EPG5: variants seen among roughly 807,000 people sequenced by gnomAD.
The protein encoded by EPG5 is ectopic P granules protein 5 homolog.
A neutral mutation model predicts 302.7 loss-of-function variants in EPG5; 159 were observed. The ratio of observed to expected loss-of-function variants is 0.53; its 90% CI spans 0.46 to 0.60. The LOEUF (loss-of-function observed/expected upper bound fraction) is 0.60. Among genes scored for constraint, EPG5 ranks in the 20% least tolerant of loss-of-function variants. EPG5 has a pLI of 0.00. For missense variants in EPG5, 2,896 were observed against 3,092.4 expected (o/e 0.94, Z 1.51); for synonymous variants, 1,158 against 1,136.8 (o/e 1.02, Z -0.37).
chr18:45,892,663 C>T (rs922294971), intron 27 of EPG5, among the ~76,000 whole-genome samples: 2 of 152,120 alleles, frequency 1.3e-5, no homozygotes, highest in African/African-American at 2.4e-5. Context: ...ATTGTTAGAG[C>T]CTTCTACTGG....
In EPG5 at chr18:45,952,431, C is replaced by T; in HGVS notation, c.1221G>A (p.Leu407=). Residue 407 remains leucine, a synonymous_variant, in exon 3 of 44, where the codon CTG becomes CTA. Coordinates refer to ENST00000282041, the MANE Select transcript of EPG5 (RefSeq NM_020964.3). ...CTTGCTGGTGAATTGCTGAAGATCT[C>T]AGAACAGCTGAACTACTGAGCAATG... ...IYALLSSSAV[L]RSSAIHQQGR... The T allele has an allele frequency of 6.2e-7, 1 of 1,614,118 alleles. No individual in the cohort carries two copies. The highest frequency in any genetic ancestry group is 8.5e-7 in the Non-Finnish European group (1 of 1,180,040).
rs1292285233 is a variant in EPG5, at chr18:45,857,924, C to G, written c.7371G>C (p.Val2457=). The G allele has an allele frequency of 1.2e-6, 2 of 1,612,814 alleles. No homozygotes were observed. The highest frequency in any genetic ancestry group is 1.1e-5 in the South Asian group (1 of 90,998). Residue 2457 remains valine (V), a synonymous_variant, in exon 42 of 44, where the codon GTG becomes GTC. Transcript: ENST00000282041. ...LLLVQSRQNL[V]AEERLSSGIL... Reference sequence around the variant, plus strand: ...TCCCAGAGCTGAGTCTCTCCTCAGCCACGAGGTTCTGCCTGCTCTGAACCA... The same window carrying G: ...TCCCAGAGCTGAGTCTCTCCTCAGCGACGAGGTTCTGCCTGCTCTGAACCA...
At chr18:45,842,440 T>TGAGAGA in the EPG5 span, 221 of 457,136 alleles carry the variant, frequency 4.8e-4, no homozygotes, top group East Asian at 2.7e-3. Context: ...TGTGTGTGTG[T>TGAGAGA]GTGAGAGAGA....
Position 45,954,465 on chromosome 18 carries a change from T to C in EPG5, c.937A>G (p.Thr313Ala), listed in dbSNP as rs1483583190. The C allele has an allele frequency of 6.2e-7, 1 of 1,614,126 alleles. No homozygotes were observed. Among genetic ancestry groups the C allele is most frequent in the Non-Finnish European group, 8.5e-7 (1 of 1,180,038 alleles). ...GCATTTTGGCAATCAGATGTCAGAG[T>C]AAGCAGCTCAGCTTCAGCCAGCAGC... is the stretch of plus-strand genomic sequence containing the variant. ...QLLLAEAELL[T>A]LTSDCQNAKS... The change falls in exon 2 of 44, where the codon ACT becomes GCT. Residue 313 changes from threonine (T) to alanine (A), a missense_variant. Around this residue, in one of 5 missense-constraint regions of EPG5, gnomAD observed 1,390 missense variants for 1,430.0 expected, o/e 0.97. Coordinates refer to ENST00000282041, the MANE Select transcript of EPG5 (RefSeq NM_020964.3).
chr18:45,957,973 CTT>C (rs2051066733), intron 1 of EPG5, among the ~76,000 whole-genome samples: 12 of 152,194 alleles, frequency 7.9e-5, no homozygotes, highest in Admixed American at 7.2e-4. Context: ...AGGCATTTGA[CTT>C]TGTGACCCCT....
intron 27 of EPG5, among the ~76,000 whole-genome samples, chr18:45,891,898 AG>A (rs2049359959): frequency 6.6e-6 from 1 of 152,260 alleles, no homozygotes; most frequent in Non-Finnish European, 1.5e-5. Context: ...AAATGTGATT[AG>A]GAGTATCTGC....
intron 27 of EPG5, among the ~76,000 whole-genome samples, chr18:45,898,849 G>A (rs751051803): frequency 7.2e-5 from 11 of 152,198 alleles, no homozygotes; most frequent in Admixed American, 1.3e-4. Flanking sequence ...AATTGAGACC[G>A]GACGCGGTGG....
intron 14 of EPG5, among the ~76,000 whole-genome samples, chr18:45,924,179 TC>T (rs2050218089): frequency 6.6e-6 from 1 of 152,218 alleles, no homozygotes; most frequent in Admixed American, 6.5e-5. Flanking sequence ...TCCTACACTA[TC>T]TTCCTTTGCA....
At chr18:45,946,611 A>C in intron 7 of EPG5, 52 bp downstream of exon 7, 1 of 1,349,024 alleles carries the variant, frequency 7.4e-7, no homozygotes, top group Non-Finnish European at 1.1e-6. Context: ...TACTTGGTGC[A>C]TAAGAAGAGT....
the EPG5 span, among the ~76,000 whole-genome samples, chr18:45,801,629 G>C: frequency 1.4e-4 from 21 of 152,276 alleles, no homozygotes; most frequent in South Asian, 4.3e-3. Context: ...ATTCCTGTCA[G>C]TTTTATTCAT....
intron 27 of EPG5, among the ~76,000 whole-genome samples, chr18:45,898,272 C>A (rs1227196418): frequency 6.6e-6 from 1 of 152,236 alleles, no homozygotes; most frequent in South Asian, 2.1e-4. Context: ...GGCTGTGCCA[C>A]TTACGGGCTG....
At chr18:45,937,288 A>G (rs912940907) in intron 10 of EPG5, among the ~76,000 whole-genome samples, 1 of 150,596 alleles carries the variant, frequency 6.6e-6, no homozygotes, top group African/African-American at 2.4e-5. Flanking sequence ...ATATGTATAC[A>G]CACACATACA....
At chr18:45,825,782 T>C in the EPG5 span, 2 of 1,614,182 alleles carry the variant, frequency 1.2e-6, no homozygotes, top group African/African-American at 1.3e-5. Flanking sequence ...TCCCGACAGG[T>C]GAGTGTCTGC....
At chr18:45,827,879 G>C in the EPG5 span, among the ~76,000 whole-genome samples, 1 of 152,186 alleles carries the variant, frequency 6.6e-6, no homozygotes, top group Non-Finnish European at 1.5e-5. Flanking sequence ...ATGGGCTGTG[G>C]AGTCACATGT....
chr18:45,812,983 A>G, the EPG5 span, among the ~76,000 whole-genome samples: 2 of 152,222 alleles, frequency 1.3e-5, no homozygotes, highest in African/African-American at 4.8e-5. Context: ...TGAACAGGCA[A>G]CCCACAGAAT....
At chr18:45,866,610 G>A (rs2048753431) in intron 38 of EPG5, among the ~76,000 whole-genome samples, 188 bp downstream of exon 38, 1 of 152,172 alleles carries the variant, frequency 6.6e-6, no homozygotes, top group Admixed American at 6.5e-5. Flanking sequence ...TTGCTAGTAA[G>A]TAAAAGTTCA....
chr18:45,825,819 A>G, the EPG5 span: 1 of 1,612,462 alleles, frequency 6.2e-7, no homozygotes, highest in African/African-American at 1.3e-5. Flanking sequence ...TGCTCGGGAC[A>G]GAATAGATGC....
downstream of EPG5, among the ~76,000 whole-genome samples, chr18:45,846,890 G>A (rs1568084909): frequency 6.6e-6 from 1 of 152,224 alleles, no homozygotes; most frequent in Non-Finnish European, 1.5e-5. Context: ...GTCTTCAGAA[G>A]AGAAGCATTT....
Position 45,949,399 on chromosome 18 carries a change from T to C in EPG5, c.1497+85A>G, listed in dbSNP as rs192686196. The C allele has an allele frequency of 5.8e-3, 4,070 of 696,734 alleles. 19 individuals carry two copies. The highest frequency in any genetic ancestry group is 0.022 in the Middle Eastern group (79 of 3,584). 43.2% of individuals were successfully genotyped at this position (696,734 alleles called of 1,614,324 possible). On this transcript the variant is annotated intron_variant, in intron 5 of 43. Coordinates refer to ENST00000282041, the MANE Select transcript of EPG5 (RefSeq NM_020964.3). ...AATATTACTCTTTTTTAAATAGTCC[T>C]TTTTTTTTCAGCAATTTCTTCAGGA...
Sources: allele counts gnomAD v4.1 joint callset (sites outside exome capture counted in the v4.1 genomes callset), GRCh38; gene constraint gnomAD v4.1.1; regional missense constraint gnomAD v4.1.1; transcripts MANE v1.5; gene names NCBI Gene and HGNC (gene_info 2026-07-23, HGNC 2026-07-21).